Variants in NAALADL2 observed in about 807,000 individuals in gnomAD.
The protein encoded by NAALADL2 is N-acetylated alpha-linked acidic dipeptidase like 2, also known as inactive N-acetylated-alpha-linked acidic dipeptidase-like protein 2.
NAALADL2 carries 76 observed loss-of-function variants against 87.2 expected under a neutral mutation model. That is an observed-to-expected ratio of 0.87 (90% CI 0.72 to 1.05). NAALADL2 has a LOEUF of 1.05. NAALADL2 is among the 50% of genes least tolerant of loss of function. The pLI, the probability that NAALADL2 is intolerant of heterozygous loss-of-function variation, is 0.00. For missense variants in NAALADL2, 1,089 were observed against 945.8 expected, an observed-to-expected ratio of 1.15 and a Z score of -1.99; for synonymous variants, 354 against 331.0, an observed-to-expected ratio of 1.07 and a Z score of -0.75.
chr3:174,463,599 CT>C (rs57673935), intron 1 of NAALADL2, among the ~76,000 whole-genome samples: 27,141 of 120,940 alleles, frequency 0.22, 1,609 homozygotes, highest in East Asian at 0.39. Flanking sequence ...TAAAGATTAT[CT>C]TTTTTTTTTT....
chr3:175,056,892 G>C (rs188596761), intron 1 of NAALADL2, among the ~76,000 whole-genome samples: 2 of 152,154 alleles, frequency 1.3e-5, no homozygotes, highest in African/African-American at 4.8e-5. Flanking sequence ...CCCTCATTCC[G>C]GTAAACCCAC....
intron 2 of NAALADL2, among the ~76,000 whole-genome samples, chr3:174,626,625 A>G (rs889932994): frequency 6.6e-6 from 1 of 152,034 alleles, no homozygotes; most frequent in African/African-American, 2.4e-5. Flanking sequence ...CAAATGTATC[A>G]ACCTTCTTCA....
chr3:174,735,943 G>T (rs1048705844), intron 2 of NAALADL2, among the ~76,000 whole-genome samples: 2 of 152,120 alleles, frequency 1.3e-5, no homozygotes, highest in African/African-American at 4.8e-5. Flanking sequence ...AGTGGTGAGG[G>T]GTGTGTGAGT....
At chr3:175,654,744 A>T (rs770703990) in intron 11 of NAALADL2, among the ~76,000 whole-genome samples, 3 of 152,138 alleles carry the variant, frequency 2.0e-5, no homozygotes, top group Non-Finnish European at 4.4e-5. Flanking sequence ...CAGGCAAATG[A>T]AGCCACAGGC....
At chr3:174,728,341 T>G (rs779314959) in intron 2 of NAALADL2, among the ~76,000 whole-genome samples, 2 of 152,026 alleles carry the variant, frequency 1.3e-5, no homozygotes, top group Non-Finnish European at 2.9e-5. Context: ...TTAAAGGGAA[T>G]GGTAAGTCAC....
At chr3:174,925,772 C>T (rs985712028) in intron 1 of NAALADL2, among the ~76,000 whole-genome samples, 3 of 152,030 alleles carry the variant, frequency 2.0e-5, no homozygotes, top group African/African-American at 7.2e-5. Flanking sequence ...TGTAGTTCTC[C>T]TTGAAGAGGT....
intron 1 of NAALADL2, among the ~76,000 whole-genome samples, chr3:175,036,114 A>G (rs1753376275): frequency 6.6e-6 from 1 of 152,208 alleles, no homozygotes; most frequent in Non-Finnish European, 1.5e-5. Flanking sequence ...CACTAGTTGA[A>G]GTAAATGTTA....
At chr3:174,788,829 C>T (rs1717115820) in intron 3 of NAALADL2, among the ~76,000 whole-genome samples, 1 of 152,128 alleles carries the variant, frequency 6.6e-6, no homozygotes, top group Admixed American at 6.6e-5. Flanking sequence ...CTGAGATCAA[C>T]CTATACAGGC....
chr3:175,202,235 C>T (rs1208922580), intron 2 of NAALADL2, among the ~76,000 whole-genome samples: 1 of 152,070 alleles, frequency 6.6e-6, no homozygotes, highest in Non-Finnish European at 1.5e-5. Flanking sequence ...TGATCAGCTT[C>T]CTTTGTCCAC....
At chr3:175,504,798 A>G (rs781222816) in intron 9 of NAALADL2, among the ~76,000 whole-genome samples, 2 of 152,218 alleles carry the variant, frequency 1.3e-5, no homozygotes, top group Non-Finnish European at 2.9e-5. Flanking sequence ...TGAAGATAAT[A>G]GTAGTAATAT....
At chr3:175,198,258 A>G (rs1739306164) in intron 2 of NAALADL2, among the ~76,000 whole-genome samples, 1 of 152,068 alleles carries the variant, frequency 6.6e-6, no homozygotes, top group South Asian at 2.1e-4. Context: ...AGAATCTAGT[A>G]CCTTTTCTAG....
At chr3:175,455,075 G>A (rs1722120422) in intron 6 of NAALADL2, among the ~76,000 whole-genome samples, 1 of 152,038 alleles carries the variant, frequency 6.6e-6, no homozygotes, top group Admixed American at 6.6e-5. Context: ...TGTAGGACCG[G>A]GCAAGTACTT....
chr3:174,951,776 A>G (rs937524782), intron 1 of NAALADL2, among the ~76,000 whole-genome samples: 1 of 152,048 alleles, frequency 6.6e-6, no homozygotes, highest in South Asian at 2.1e-4. Flanking sequence ...TGCTGGTTAA[A>G]TGTTATTTTT....
chr3:175,565,621 T>TC (rs1464498475), intron 9 of NAALADL2, among the ~76,000 whole-genome samples: 1 of 87,620 alleles, frequency 1.1e-5, no homozygotes, highest in African/African-American at 4.0e-5. Flanking sequence ...ACCCTGTTTT[T>TC]CCCTAATAAA....
chr3:175,793,887 T>C (rs1335689636), intron 13 of NAALADL2, among the ~76,000 whole-genome samples: 1 of 152,164 alleles, frequency 6.6e-6, no homozygotes, highest in Non-Finnish European at 1.5e-5. Context: ...AAAACATCAA[T>C]ACTGGCTGAA....
At chr3:175,107,018 A>T (rs959838948) in intron 2 of NAALADL2, among the ~76,000 whole-genome samples, 1 of 151,996 alleles carries the variant, frequency 6.6e-6, no homozygotes, top group African/African-American at 2.4e-5. Context: ...TAGGTACCAA[A>T]AACAGGTGAT....
intron 9 of NAALADL2, among the ~76,000 whole-genome samples, chr3:175,515,568 A>G (rs895619906): frequency 1.3e-5 from 2 of 152,168 alleles, no homozygotes; most frequent in Non-Finnish European, 2.9e-5. Context: ...GGGAAAAAAA[A>G]AAAAAGCATA....
chr3:175,618,443 C>T (rs1311565107), intron 10 of NAALADL2, among the ~76,000 whole-genome samples: 1 of 152,176 alleles, frequency 6.6e-6, no homozygotes, highest in Non-Finnish European at 1.5e-5. Context: ...CAGTTTGCTT[C>T]CCTATTCCCT....
intron 13 of NAALADL2, among the ~76,000 whole-genome samples, chr3:175,788,502 GCAGGTTTGTACTGTA>G (rs930698598): frequency 4.0e-4 from 61 of 152,202 alleles, no homozygotes; most frequent in Middle Eastern, 6.8e-3. Context: ...TCAGTACAGT[GCAGGTTTGTACTGTA>G]CAGGTTTGTA....
Sources: gnomAD v4.1 joint callset for allele counts (sites outside exome capture counted in the v4.1 genomes callset) on GRCh38, gnomAD v4.1.1 for gene constraint, MANE v1.5 for transcripts, NCBI Gene and HGNC (gene_info 2026-07-23, HGNC 2026-07-21) for gene names.